HMBOX1: variants seen among roughly 807,000 people sequenced by gnomAD.
HMBOX1 encodes homeobox-containing protein 1.
In HMBOX1, 14 loss-of-function variants were observed where a neutral mutation model predicts 54.5. The observed-to-expected ratio is 0.26, with a 90% confidence interval of 0.17 to 0.40. The LOEUF (loss-of-function observed/expected upper bound fraction) is 0.40, where lower values mean the gene tolerates loss of function less well. HMBOX1 is among the 10% of genes least tolerant of loss of function. HMBOX1 has a pLI of 1.00. For synonymous variants in HMBOX1, 160 were observed against 181.0 expected, an observed-to-expected ratio of 0.88 and a Z score of 0.93; for missense variants, 332 against 514.4, an observed-to-expected ratio of 0.65 and a Z score of 3.43.
intron 4 of HMBOX1, among the ~76,000 whole-genome samples, chr8:28,987,257 C>A (rs1179795561): frequency 1.3e-5 from 2 of 152,094 alleles, no homozygotes; most frequent in Non-Finnish European, 2.9e-5. Flanking sequence ...CTCTCCAGTT[C>A]TTGTTTCCTA....
chr8:28,914,497 A>G (rs1055772979), intron 1 of HMBOX1, among the ~76,000 whole-genome samples: 8 of 152,222 alleles, frequency 5.3e-5, no homozygotes, highest in Non-Finnish European at 1.0e-4. Flanking sequence ...TAAACTGTGG[A>G]CAGGCACTGT....
At chr8:29,014,039 T>C (rs1353363945) in intron 5 of HMBOX1, among the ~76,000 whole-genome samples, 1 of 151,874 alleles carries the variant, frequency 6.6e-6, no homozygotes, top group Admixed American at 6.6e-5. Context: ...AAATTACTTT[T>C]GGAGAGGTTA....
In HMBOX1 at chr8:28,992,101, A is replaced by AT. The variant is rs1831061427; in HGVS notation, c.586+11946dup. On this transcript the variant is annotated intron_variant, in intron 4 of 9. Transcript: ENST00000287701. ...CATAGCAATTTGGTATATAGAGAAA[A>AT]TATGGTGCCATGGTCAAGGGCACGA... is the stretch of plus-strand genomic sequence containing the variant. 2.0e-5 allele frequency among the ~76,000 whole-genome samples: 3 copies of AT among 152,214 alleles called. No homozygotes were observed. The South Asian group carries it at 6.2e-4, about 31-fold the overall frequency.
At chr8:28,980,687 T>C (rs539504199) in intron 4 of HMBOX1, among the ~76,000 whole-genome samples, 1 of 152,274 alleles carries the variant, frequency 6.6e-6, no homozygotes, top group Non-Finnish European at 1.5e-5. Flanking sequence ...GCCCCATCCC[T>C]AGTATGTGGT....
At chr8:29,010,754 C>T (rs897498933) in intron 5 of HMBOX1, among the ~76,000 whole-genome samples, 1 of 152,000 alleles carries the variant, frequency 6.6e-6, no homozygotes, top group African/African-American at 2.4e-5. Flanking sequence ...GTCTGAGTCA[C>T]ATTTCTCTAG....
chr8:28,941,505 A>G (rs1384393985), intron 1 of HMBOX1, among the ~76,000 whole-genome samples: 2 of 152,110 alleles, frequency 1.3e-5, no homozygotes, highest in Non-Finnish European at 2.9e-5. Context: ...GTTGCAGAGG[A>G]AAAAAACCTG....
intron 5 of HMBOX1, chr8:29,009,550 T>G: frequency 1.5e-6 from 1 of 686,624 alleles, no homozygotes; most frequent in Non-Finnish European, 1.8e-6. Context: ...TTTTTGCAAA[T>G]CTTGTTTGAA....
intron 1 of HMBOX1, among the ~76,000 whole-genome samples, chr8:28,902,760 C>G (rs1159085136): frequency 3.1e-5 from 3 of 95,988 alleles, no homozygotes; most frequent in African/African-American, 1.0e-4. Context: ...CTCACGAAGG[C>G]AGTCATGCAG....
At position 28,998,790 on chromosome 8, in the gene HMBOX1, T is replaced by C. The variant is rs920150901; in HGVS notation, c.587-10282T>C. Reference sequence around the variant, plus strand: ...ATTTTAAATCCCTTGTCATTTCTTTTGCTATATTTTTCGAGCTATTTTCTC... The same window carrying C: ...ATTTTAAATCCCTTGTCATTTCTTTCGCTATATTTTTCGAGCTATTTTCTC... On this transcript the variant is annotated intron_variant, in intron 4 of 9. Coordinates refer to ENST00000287701, the MANE Select transcript of HMBOX1 (RefSeq NM_001135726.3). 6.6e-5 allele frequency among the ~76,000 whole-genome samples: 10 copies of C among 152,242 alleles called. No homozygotes were observed. The East Asian group carries it at 1.2e-3, about 18-fold the overall frequency.
intron 1 of HMBOX1, among the ~76,000 whole-genome samples, chr8:28,941,174 A>C (rs2132020190): frequency 6.6e-6 from 1 of 152,306 alleles, no homozygotes; most frequent in East Asian, 1.9e-4. Flanking sequence ...ACTATCTTTT[A>C]CAAATGGCTC....
chr8:28,917,685 A>G (rs1352629259), intron 1 of HMBOX1, among the ~76,000 whole-genome samples: 2 of 152,116 alleles, frequency 1.3e-5, no homozygotes, highest in African/African-American at 2.4e-5. Flanking sequence ...TAGGGTTTTC[A>G]TGGATGCCAT....
intron 9 of HMBOX1, chr8:29,050,265 A>G: frequency 1.0e-6 from 1 of 973,854 alleles, no homozygotes. Flanking sequence ...TGAGAAACAT[A>G]CCCCTTATTT....
intron 1 of HMBOX1, among the ~76,000 whole-genome samples, chr8:28,905,158 G>T (rs1200924203): frequency 6.6e-6 from 1 of 152,170 alleles, no homozygotes; most frequent in African/African-American, 2.4e-5. Flanking sequence ...GAGAATATTG[G>T]TTGATTATGA....
intron 1 of HMBOX1, among the ~76,000 whole-genome samples, chr8:28,923,315 G>T (rs912481467): frequency 1.3e-5 from 2 of 152,064 alleles, no homozygotes; most frequent in African/African-American, 2.4e-5. Context: ...GCATAGCCAG[G>T]GTTTTCAGGG....
intron 1 of HMBOX1, among the ~76,000 whole-genome samples, chr8:28,945,546 G>T (rs1822276443): frequency 6.6e-6 from 1 of 152,208 alleles, no homozygotes; most frequent in African/African-American, 2.4e-5. Flanking sequence ...ATAACAGTAG[G>T]ATTGGAGAGA....
rs1182163105 is a variant in HMBOX1, at chr8:29,015,023, CTTCT to C, written c.698-3734_698-3731del. ...ACCAGGCCACTACTTACTTTTCTGTCTTCTTTTTCTCCTTTTTTCTTCTCCCCTC... is the reference window on the plus strand; with the variant it reads ...ACCAGGCCACTACTTACTTTTCTGTCTTTTCTCCTTTTTTCTTCTCCCCTC... On this transcript the variant is annotated intron_variant, in intron 5 of 9. Transcript: ENST00000287701. 2.6e-5 allele frequency among the ~76,000 whole-genome samples: 4 copies of C among 152,220 alleles called. No individual in the cohort carries two copies. In the East Asian group the frequency reaches 5.8e-4, roughly 22 times the overall value.
At chr8:29,023,384 A>C (rs373989031) in intron 6 of HMBOX1, among the ~76,000 whole-genome samples, 9 of 152,186 alleles carry the variant, frequency 5.9e-5, no homozygotes, top group African/African-American at 2.2e-4. Context: ...AACCTCAGTC[A>C]ATTTTAGAAC....
Position 29,051,866 on chromosome 8 carries a change from G to C in HMBOX1, c.*711G>C. On this transcript the variant is annotated 3_prime_UTR_variant, in exon 10 of 10. Coordinates refer to ENST00000287701, the MANE Select transcript of HMBOX1 (RefSeq NM_001135726.3). ...TACTGCCTTCTGCCTTTGGGACCAT[G>C]ATTAAAAACAAAGACAAAAACCAAA... 1 of 238,170 alleles carries C rather than the reference G, an allele frequency of 4.2e-6. No individual in the cohort carries two copies. The highest frequency in any genetic ancestry group is 7.6e-6 in the Non-Finnish European group (1 of 132,376). 14.8% of individuals were successfully genotyped at this position (238,170 alleles called of 1,614,324 possible). A position where few individuals can be genotyped will look rare whatever the true frequency, so the allele number is the denominator to read the frequency against.
chr8:29,001,634 T>C (rs905418789), intron 4 of HMBOX1, among the ~76,000 whole-genome samples: 5 of 152,158 alleles, frequency 3.3e-5, no homozygotes, highest in Non-Finnish European at 7.4e-5. Flanking sequence ...CAAGAGGGAC[T>C]TTTCAAGGGG....
Sources: gnomAD v4.1 joint callset for allele counts (sites outside exome capture counted in the v4.1 genomes callset) on GRCh38, gnomAD v4.1.1 for gene constraint, MANE v1.5 for transcripts, NCBI Gene and HGNC (gene_info 2026-07-23, HGNC 2026-07-21) for gene names.